The following LRPPRC variants were observed in gnomAD, a reference collection of about 807,000 sequenced individuals.
The protein encoded by LRPPRC is leucine rich pentatricopeptide repeat containing.
In LRPPRC, 120 loss-of-function variants were observed where a neutral mutation model predicts 180.3. That is an observed-to-expected ratio of 0.67 (90% CI 0.57 to 0.77). The LOEUF is 0.77. Ranked by LOEUF, LRPPRC falls within the 30% of genes least tolerant of loss-of-function variation. The pLI is 0.00. For synonymous variants in LRPPRC, 723 were observed against 600.0 expected, an observed-to-expected ratio of 1.21 and a Z score of -3.00; for missense variants, 2,012 against 1,657.2, an observed-to-expected ratio of 1.21 and a Z score of -3.72.
chr2:43,982,776 T>A (rs1005054856), intron 1 of LRPPRC, among the ~76,000 whole-genome samples: 1 of 152,194 alleles, frequency 6.6e-6, no homozygotes, highest in South Asian at 2.1e-4. Flanking sequence ...TGACAGAAGA[T>A]GAAGCAGTTT....
chr2:43,978,945 A>T (rs943884053), intron 3 of LRPPRC, among the ~76,000 whole-genome samples: 1 of 152,130 alleles, frequency 6.6e-6, no homozygotes, highest in Non-Finnish European at 1.5e-5. Context: ...TTAAACAATC[A>T]CATCATCTAA....
intron 14 of LRPPRC, among the ~76,000 whole-genome samples, chr2:43,954,591 G>T (rs930826236): frequency 2.0e-4 from 30 of 152,160 alleles, no homozygotes; most frequent in African/African-American, 7.2e-4. Context: ...ATACACTCTT[G>T]AAAACAGACG....
chr2:43,973,924 T>C (rs1673933583), intron 9 of LRPPRC, 24 bp from the exon 10 acceptor site: 2 of 1,403,736 alleles, frequency 1.4e-6, no homozygotes, highest in South Asian at 2.3e-5. Flanking sequence ...GTCACCACAT[T>C]AGCTGGATTG....
rs1670349092 is a variant in LRPPRC at position 43,888,447 on chromosome 2, A to C, written c.*153T>G. On this transcript the variant is annotated 3_prime_UTR_variant, in exon 38 of 38. Coordinates refer to ENST00000260665, the MANE Select transcript of LRPPRC (RefSeq NM_133259.4). ...CCAAAAATGTCCAATAACCAAGTGCACAGAGTTATGGTCAATAAGACTTTG... is the reference window on the plus strand; with the variant it reads ...CCAAAAATGTCCAATAACCAAGTGCCCAGAGTTATGGTCAATAAGACTTTG... 1 of 597,750 alleles carries C rather than the reference A, an allele frequency of 1.7e-6. No homozygotes were observed. The highest frequency in any genetic ancestry group is 3.0e-6 in the Non-Finnish European group (1 of 330,560). The allele number at this position is 597,750 out of a possible 1,614,324, so 37.0% of individuals were successfully genotyped here. A position where few individuals can be genotyped will look rare whatever the true frequency, so the allele number is the denominator to read the frequency against.
intron 18 of LRPPRC, 133 bp downstream of exon 18, chr2:43,947,989 A>G: frequency 1.4e-6 from 1 of 689,668 alleles, no homozygotes; most frequent in Non-Finnish European, 2.6e-6. Flanking sequence ...AATCAATGAA[A>G]AGCTTCGTTT....
chr2:43,891,249 C>A (rs1014399656), intron 36 of LRPPRC, among the ~76,000 whole-genome samples: 1 of 152,190 alleles, frequency 6.6e-6, no homozygotes, highest in East Asian at 1.9e-4. Flanking sequence ...GATTTTCTAC[C>A]TTCCTCCCAA....
At position 43,950,258 on chromosome 2, in the gene LRPPRC, A is replaced by T. The variant is rs571952553; in HGVS notation, c.1677+315T>A. 5.3e-5 allele frequency among the ~76,000 whole-genome samples: 8 copies of T among 151,878 alleles called. No homozygotes were observed. In the South Asian group the frequency reaches 1.7e-3, roughly 32 times the overall value. ...TTAAGTTCAGGGGTACATGTGCAGGATGTGCAGGTTTGTTACATCGGTAAA... is the reference window on the plus strand; with the variant it reads ...TTAAGTTCAGGGGTACATGTGCAGGTTGTGCAGGTTTGTTACATCGGTAAA... On this transcript the variant is annotated intron_variant, in intron 15 of 37. Transcript: ENST00000260665.
intron 3 of LRPPRC, among the ~76,000 whole-genome samples, chr2:43,978,212 C>A (rs1047877118): frequency 6.6e-6 from 1 of 152,100 alleles, no homozygotes; most frequent in African/African-American, 2.4e-5. Context: ...GGACAAGTTA[C>A]TTAAGCTAAA....
intron 30 of LRPPRC, among the ~76,000 whole-genome samples, chr2:43,910,294 C>A (rs982020005): frequency 1.3e-5 from 2 of 150,864 alleles, no homozygotes; most frequent in South Asian, 4.2e-4. Context: ...AATGCAGTGG[C>A]GCGATCTTGG....
chr2:43,973,004 T>A (rs1673886047), intron 11 of LRPPRC, among the ~76,000 whole-genome samples: 1 of 152,234 alleles, frequency 6.6e-6, no homozygotes, highest in Non-Finnish European at 1.5e-5. Context: ...ATTTGTTCAA[T>A]TCTTATTCAT....
intron 14 of LRPPRC, among the ~76,000 whole-genome samples, chr2:43,955,756 T>C (rs895565086): frequency 1.3e-5 from 2 of 152,104 alleles, no homozygotes; most frequent in African/African-American, 2.4e-5. Context: ...AAACTCATTC[T>C]TGTGTGAACT....
intron 1 of LRPPRC, among the ~76,000 whole-genome samples, chr2:43,994,749 G>C (rs1384041257): frequency 6.6e-6 from 1 of 152,170 alleles, no homozygotes; most frequent in Non-Finnish European, 1.5e-5. Context: ...CTGGTGGTCA[G>C]AATACTATTA....
At position 43,975,999 on chromosome 2, in the gene LRPPRC, GA is replaced by G. The variant is rs1342804782; in HGVS notation, c.737+143del. 6 of 611,416 alleles carry G rather than the reference GA, an allele frequency of 9.8e-6. No individual in the cohort carries two copies. In the African/African-American group the frequency reaches 1.1e-4, roughly 11 times the overall value. 37.9% of individuals were successfully genotyped at this position (611,416 alleles called of 1,614,324 possible). A position where few individuals can be genotyped will look rare whatever the true frequency, so the allele number is the denominator to read the frequency against. On this transcript the variant is annotated intron_variant, in intron 6 of 37. Coordinates refer to ENST00000260665, the MANE Select transcript of LRPPRC (RefSeq NM_133259.4). ...TATACTACAGATTTTTTTTTGAAGG[GA>G]TAGACAAATGTATTTTAAGAACTGT...
At chr2:43,961,502 A>T (rs998544565) in intron 12 of LRPPRC, among the ~76,000 whole-genome samples, 1 of 152,252 alleles carries the variant, frequency 6.6e-6, no homozygotes, top group Non-Finnish European at 1.5e-5. Flanking sequence ...CCTAGTATAC[A>T]TCTGAAAGAA....
intron 25 of LRPPRC, among the ~76,000 whole-genome samples, chr2:43,929,230 G>A (rs949502200): frequency 6.6e-6 from 1 of 152,098 alleles, no homozygotes; most frequent in Non-Finnish European, 1.5e-5. Flanking sequence ...AGCACTTCCA[G>A]CATCACTAGT....
chr2:43,993,514 G>C (rs978814099), intron 1 of LRPPRC, among the ~76,000 whole-genome samples: 19 of 152,186 alleles, frequency 1.2e-4, no homozygotes, highest in African/African-American at 4.1e-4. Flanking sequence ...GGACAGGGAA[G>C]AGACTGAGAA....
chr2:43,952,360 G>C (rs1216717393), intron 14 of LRPPRC, among the ~76,000 whole-genome samples: 1 of 152,150 alleles, frequency 6.6e-6, no homozygotes, highest in Non-Finnish European at 1.5e-5. Flanking sequence ...AATGCCACAG[G>C]TTTGAAACCA....
chr2:43,965,158 C>T (rs1237735971), intron 11 of LRPPRC, among the ~76,000 whole-genome samples: 2 of 152,148 alleles, frequency 1.3e-5, no homozygotes, highest in South Asian at 2.1e-4. Flanking sequence ...CACGTCACCA[C>T]GACCAGCTAG....
rs557963186 is a variant in LRPPRC at position 43,938,998 on chromosome 2, C to T, written c.2505-4120G>A. On this transcript the variant is annotated intron_variant, in intron 23 of 37. Coordinates refer to ENST00000260665, the MANE Select transcript of LRPPRC (RefSeq NM_133259.4). ...AAACAACAAAAGAAAGATGGCCGGG[C>T]GCGGTGGCTCACGCCTGTAATCCCA... Among the ~76,000 whole-genome samples, 10 of 151,908 alleles carry T rather than the reference C, an allele frequency of 6.6e-5. No individual in the cohort carries two copies. The South Asian group carries it at 1.9e-3, about 28-fold the overall frequency.
Sources: gnomAD v4.1 joint callset for allele counts (sites outside exome capture counted in the v4.1 genomes callset) on GRCh38, gnomAD v4.1.1 for gene constraint, MANE v1.5 for transcripts, NCBI Gene and HGNC (gene_info 2026-07-23, HGNC 2026-07-21) for gene names.